The following C13orf46 variants were observed in gnomAD, a reference collection of about 807,000 sequenced individuals.
C13orf46 encodes the protein chromosome 13 open reading frame 46.
At chr13:113,929,410 G>A in the C13orf46 span, among the ~76,000 whole-genome samples, 34 of 152,348 alleles carry the variant, frequency 2.2e-4, no homozygotes, top group Non-Finnish European at 3.7e-4. Flanking sequence ...GGAGCCTGGC[G>A]GGGCTAAGAG....
At chr13:113,963,664 C>CCCCTGTCCTCAGCCACGGT (rs2052611014) in intron 6 of C13orf46, among the ~76,000 whole-genome samples, 1 of 148,726 alleles carries the variant, frequency 6.7e-6, no homozygotes, top group Non-Finnish European at 1.5e-5. Context: ...CTCAGCCTTG[C>CCCCTGTCCTCAGCCACGGT]CCCTGTCCTC....
downstream of C13orf46, among the ~76,000 whole-genome samples, chr13:113,950,440 G>C (rs1056745662): frequency 1.3e-5 from 2 of 150,842 alleles, no homozygotes; most frequent in Non-Finnish European, 3.0e-5. Context: ...TCTGTAGAGT[G>C]GGGTCCTCAC....
At chr13:113,933,594 G>A in the C13orf46 span, among the ~76,000 whole-genome samples, 1 of 152,142 alleles carries the variant, frequency 6.6e-6, no homozygotes, top group Non-Finnish European at 1.5e-5. Flanking sequence ...TCTGGGGAGA[G>A]TTGGCATCTT....
chr13:113,968,664 G>C lies in C13orf46; in HGVS notation c.339C>G (p.Ser113Arg), dbSNP rs985133635. The change falls in exon 3 of 7, where the codon AGC becomes AGG. Residue 113 changes from serine to arginine, a missense_variant. Coordinates refer to ENST00000636427, the MANE Select transcript of C13orf46 (RefSeq NM_001365455.2). ...CCTCCTGCATGCTGGCCTCCAAGTC[G>C]CTCTTCTCCCTCTCTGGGTCTTGTT... Reference protein sequence around the residue: ...SGKQDPEREKSDLEASMQEVQ... With the variant: ...SGKQDPEREKRDLEASMQEVQ... The C allele has an allele frequency of 6.6e-6, 1 of 152,428 alleles. No homozygotes were observed. The highest frequency in any genetic ancestry group is 1.5e-5 in the Non-Finnish European group (1 of 68,160). 9.4% of individuals were successfully genotyped at this position (152,428 alleles called of 1,614,324 possible).
At chr13:113,959,256 A>G (rs1435787944) in intron 6 of C13orf46, among the ~76,000 whole-genome samples, 1 of 152,198 alleles carries the variant, frequency 6.6e-6, no homozygotes, top group African/African-American at 2.4e-5. Flanking sequence ...TGGGTGACAG[A>G]GTGAGATCTG....
chr13:113,936,451 C>T, the C13orf46 span, among the ~76,000 whole-genome samples: 24 of 152,292 alleles, frequency 1.6e-4, no homozygotes, highest in African/African-American at 5.5e-4. Flanking sequence ...CTCCCTCTTC[C>T]GGGCAAGTCC....
At chr13:113,945,616 GAAAGA>G in the C13orf46 span, among the ~76,000 whole-genome samples, 83 of 107,746 alleles carry the variant, frequency 7.7e-4, no homozygotes, top group African/African-American at 1.3e-3. Flanking sequence ...AAGAAAGAAA[GAAAGA>G]AAGAAAGAAA....
rs2052561246 is a variant in C13orf46, at chr13:113,958,553, C to T, written c.573-1714G>A. ...TGTAATCTACAGCCAAACATGCCCTCGCACTCAAACCTTGATGTGATTCTG... is the reference window on the plus strand; with the variant it reads ...TGTAATCTACAGCCAAACATGCCCTTGCACTCAAACCTTGATGTGATTCTG... On this transcript the variant is annotated intron_variant, in intron 6 of 6. Transcript: ENST00000636427. 3.3e-5 allele frequency among the ~76,000 whole-genome samples: 5 copies of T among 152,296 alleles called. No individual in the cohort carries two copies. The South Asian group carries it at 6.2e-4, about 19-fold the overall frequency.
At chr13:113,937,695 C>G in the C13orf46 span, among the ~76,000 whole-genome samples, 5 of 152,156 alleles carry the variant, frequency 3.3e-5, no homozygotes, top group Non-Finnish European at 7.3e-5. Context: ...CGGATGAACG[C>G]TGGTTCGGTC....
At chr13:113,941,453 G>A in the C13orf46 span, among the ~76,000 whole-genome samples, 10 of 137,912 alleles carry the variant, frequency 7.3e-5, no homozygotes, top group African/African-American at 8.2e-5. Flanking sequence ...GAGGCTGAGC[G>A]TTCGAGATCC....
rs1247264451 is a variant in C13orf46, at chr13:113,955,198, T to A, written c.*1575A>T. The A allele has an allele frequency of 6.0e-5, 10 of 166,610 alleles. No homozygotes were observed. In the East Asian group the frequency reaches 2.0e-3, roughly 34 times the overall value. The allele number at this position is 166,610 out of a possible 1,614,324, so 10.3% of individuals were successfully genotyped here. A position where few individuals can be genotyped will look rare whatever the true frequency, so the allele number is the denominator to read the frequency against. On this transcript the variant is annotated 3_prime_UTR_variant, in exon 7 of 7. Transcript: ENST00000636427. ...GAGCATCTGGTGGAGAGGAGGAGCATCCCGTGGAGACGAGGAGCATCCCGT... is the reference window on the plus strand; with the variant it reads ...GAGCATCTGGTGGAGAGGAGGAGCAACCCGTGGAGACGAGGAGCATCCCGT...
At chr13:113,946,697 A>C in the C13orf46 span, among the ~76,000 whole-genome samples, 6 of 152,360 alleles carry the variant, frequency 3.9e-5, no homozygotes, top group African/African-American at 1.4e-4. Context: ...TCGTCAGGCC[A>C]CGCTGGCTGT....
chr13:113,964,008 G>A (rs938943945), intron 6 of C13orf46, among the ~76,000 whole-genome samples: 4 of 152,152 alleles, frequency 2.6e-5, no homozygotes, highest in African/African-American at 7.2e-5. Flanking sequence ...CTGTCACCAC[G>A]CCCAGCTAAT....
the C13orf46 span, among the ~76,000 whole-genome samples, chr13:113,945,754 A>G: frequency 1.3e-5 from 2 of 152,188 alleles, no homozygotes; most frequent in Non-Finnish European, 2.9e-5. Context: ...ACGAAAATGT[A>G]GCTCATTTTG....
chr13:113,930,932 A>G, the C13orf46 span, among the ~76,000 whole-genome samples: 9 of 152,202 alleles, frequency 5.9e-5, no homozygotes, highest in African/African-American at 1.9e-4. Flanking sequence ...GGGGTGGGTC[A>G]CGGCCTCCAG....
At chr13:113,945,605 G>GAAGA in the C13orf46 span, among the ~76,000 whole-genome samples, 12,967 of 93,744 alleles carry the variant, frequency 0.14, 1,239 homozygotes, top group East Asian at 0.18. Flanking sequence ...AAGAAAGAAA[G>GAAGA]AAGAAAGAAA....
At chr13:113,937,580 C>T in the C13orf46 span, among the ~76,000 whole-genome samples, 2 of 152,108 alleles carry the variant, frequency 1.3e-5, no homozygotes, top group African/African-American at 2.4e-5. Flanking sequence ...AAGTTCAGGA[C>T]GCACCTGTGA....
At chr13:113,937,355 C>T in the C13orf46 span, among the ~76,000 whole-genome samples, 1 of 152,206 alleles carries the variant, frequency 6.6e-6, no homozygotes, top group African/African-American at 2.4e-5. Context: ...CCTACAATCT[C>T]AAGCTTGCCG....
downstream of C13orf46, among the ~76,000 whole-genome samples, chr13:113,953,526 A>G (rs2052498096): frequency 6.6e-6 from 1 of 152,140 alleles, no homozygotes; most frequent in African/African-American, 2.4e-5. Context: ...AAATGAGCTC[A>G]GAGCCCAACA....
Sources: gnomAD v4.1 joint callset for allele counts (sites outside exome capture counted in the v4.1 genomes callset) on GRCh38, gnomAD v4.1.1 for gene constraint, MANE v1.5 for transcripts, NCBI Gene and HGNC (gene_info 2026-07-23, HGNC 2026-07-21) for gene names.